VMP1: variants seen among roughly 807,000 people sequenced by gnomAD.
VMP1 encodes vacuole membrane protein 1.
A neutral mutation model predicts 56.0 loss-of-function variants in VMP1; 11 were observed. The observed-to-expected ratio is 0.20, with a 90% CI of 0.12 to 0.32. The LOEUF is 0.32. VMP1 is among the 10% of genes least tolerant of loss of function. The pLI is 1.00. For missense variants in VMP1, 296 were observed against 490.3 expected (o/e 0.60, Z 3.74); for synonymous variants, 149 against 165.0 (o/e 0.90, Z 0.74).
chr17:59,711,597 G>A (rs897714632), intron 1 of VMP1, among the ~76,000 whole-genome samples: 3 of 152,168 alleles, frequency 2.0e-5, no homozygotes, highest in African/African-American at 7.2e-5. Context: ...AGCTTTGGAT[G>A]GAGTTTGCTG....
At chr17:59,717,753 C>T (rs2034222684) in intron 1 of VMP1, among the ~76,000 whole-genome samples, 1 of 152,106 alleles carries the variant, frequency 6.6e-6, no homozygotes, top group Non-Finnish European at 1.5e-5. Flanking sequence ...AACCTTGTCT[C>T]CACTAAAAAC....
At position 59,817,438 on chromosome 17, in the gene VMP1, G is replaced by A. The variant is rs373503703; in HGVS notation, c.913-274G>A. Among the ~76,000 whole-genome samples, 7 of 150,982 alleles carry A rather than the reference G, an allele frequency of 4.6e-5. No homozygotes were observed. In the South Asian group the frequency reaches 1.1e-3, roughly 23 times the overall value. On this transcript the variant is annotated intron_variant, in intron 9 of 11. Coordinates refer to ENST00000262291, the MANE Select transcript of VMP1 (RefSeq NM_030938.5). ...GCAATCTTGGCTCACTGCCACCTCC[G>A]CCTCCTGGGTTCAAGCAATTCTCCT...
intron 5 of VMP1, among the ~76,000 whole-genome samples, chr17:59,748,073 G>A (rs888938519): frequency 2.6e-5 from 4 of 151,772 alleles, no homozygotes; most frequent in African/African-American, 9.7e-5. Context: ...GCGGGCGCCT[G>A]TAGTCCCAGC....
rs556861402 is a variant in VMP1 at position 59,724,817 on chromosome 17, T to G, written c.-26-6604T>G. 2.6e-5 allele frequency among the ~76,000 whole-genome samples: 4 copies of G among 151,766 alleles called. No homozygotes were observed. The East Asian group carries it at 7.7e-4, about 29-fold the overall frequency. On this transcript the variant is annotated intron_variant, in intron 1 of 11. Transcript: ENST00000262291. Reference sequence around the variant, plus strand: ...CGTCTCTACTAAAAATACAAAAAAATTAGCCGGGCCTGGTGGCGGGCGCCT... The same window carrying G: ...CGTCTCTACTAAAAATACAAAAAAAGTAGCCGGGCCTGGTGGCGGGCGCCT...
chr17:59,737,490 C>A lies in VMP1; in HGVS notation c.250C>A (p.Leu84Met). The change falls in exon 4 of 12, where the codon CTG (leucine) becomes ATG (methionine). Residue 84 changes from leucine (L) to methionine (M), a missense_variant. By Grantham distance (15) the Leu-to-Met change is conservative. Coordinates refer to ENST00000262291, the MANE Select transcript of VMP1 (RefSeq NM_030938.5). ...HRQSIVVSFLLLLAVLIATYY... is the reference protein window; with the variant it reads ...HRQSIVVSFLMLLAVLIATYY... ...TCAAAGCATTGTGGTGTCTTTTTTA[C>A]TGCTGCTTGCTGTGCTTATAGCTAC... 2 of 1,611,730 alleles carry A rather than the reference C, an allele frequency of 1.2e-6. No individual in the cohort carries two copies. Among genetic ancestry groups the A allele is most frequent in the Non-Finnish European group, 1.7e-6 (2 of 1,179,046 alleles).
At chr17:59,718,605 G>A (rs1161386100) in intron 1 of VMP1, among the ~76,000 whole-genome samples, 1 of 152,022 alleles carries the variant, frequency 6.6e-6, no homozygotes, top group Non-Finnish European at 1.5e-5. Context: ...CTGGACTCAG[G>A]CAGTCCTCTG....
chr17:59,755,907 A>AT (rs1380172266), intron 5 of VMP1, among the ~76,000 whole-genome samples: 1 of 150,822 alleles, frequency 6.6e-6, no homozygotes, highest in African/African-American at 2.4e-5. Context: ...CTGGGCTAAT[A>AT]TTTTTTCTTA....
At chr17:59,839,353 C>T in intron 11 of VMP1, 1 of 161,766 alleles carries the variant, frequency 6.2e-6, no homozygotes, top group Non-Finnish European at 1.3e-5. Flanking sequence ...CCTCAGTTGA[C>T]CAAACATGAC....
chr17:59,718,500 C>T (rs2034264117), intron 1 of VMP1, among the ~76,000 whole-genome samples: 1 of 150,932 alleles, frequency 6.6e-6, no homozygotes, highest in Non-Finnish European at 1.5e-5. Flanking sequence ...CCGGCCCCTC[C>T]TTTCTTTTCT....
intron 5 of VMP1, among the ~76,000 whole-genome samples, chr17:59,748,756 T>C (rs2035526753): frequency 6.6e-6 from 1 of 152,180 alleles, no homozygotes; most frequent in Non-Finnish European, 1.5e-5. Flanking sequence ...TTTCCCACAA[T>C]TGATTTCAGT....
intron 5 of VMP1, among the ~76,000 whole-genome samples, chr17:59,750,272 A>G (rs574376225): frequency 1.8e-4 from 27 of 151,986 alleles, no homozygotes; most frequent in Admixed American, 5.9e-4. Context: ...AATTTACTTA[A>G]ATTTAGACAA....
chr17:59,805,915 A>G (rs1401255447), intron 7 of VMP1, among the ~76,000 whole-genome samples: 1 of 152,124 alleles, frequency 6.6e-6, no homozygotes, highest in Non-Finnish European at 1.5e-5. Flanking sequence ...TTTTCTTGGC[A>G]ATTGAATACA....
rs183305492 is a variant in VMP1 at position 59,722,582 on chromosome 17, C to A, written c.-26-8839C>A. 2.2e-4 allele frequency among the ~76,000 whole-genome samples: 34 copies of A among 152,262 alleles called. No homozygotes were observed. In the East Asian group the frequency reaches 6.0e-3, roughly 27 times the overall value. On this transcript the variant is annotated intron_variant, in intron 1 of 11. Coordinates refer to ENST00000262291, the MANE Select transcript of VMP1 (RefSeq NM_030938.5). ...TAGGCTGGGCACAGTGGCTTATGCC[C>A]ATAACCCCAACACTTTGGAAGGCCA... is the stretch of plus-strand genomic sequence containing the variant.
rs141468570 is a variant in VMP1 at position 59,753,827 on chromosome 17, A to G, written c.415-11144A>G. Among the ~76,000 whole-genome samples the G allele has an allele frequency of 2.2e-4, 33 of 152,254 alleles. No individual in the cohort carries two copies. The East Asian group carries it at 4.6e-3, about 21-fold the overall frequency. On this transcript the variant is annotated intron_variant, in intron 5 of 11. Coordinates refer to ENST00000262291, the MANE Select transcript of VMP1 (RefSeq NM_030938.5). ...ATTTTTCTGTTTGCCATATATTTTA[A>G]CCATTGGATTTTCTCATGTTTAAAG...
intron 1 of VMP1, among the ~76,000 whole-genome samples, chr17:59,721,944 A>G (rs2034415516): frequency 6.6e-6 from 1 of 151,790 alleles, no homozygotes; most frequent in African/African-American, 2.4e-5. Context: ...TCTGGTGAGG[A>G]CTCTCTTCCT....
intron 10 of VMP1, among the ~76,000 whole-genome samples, chr17:59,833,453 A>C (rs1290190420): frequency 2.0e-5 from 3 of 152,156 alleles, no homozygotes; most frequent in Admixed American, 2.0e-4. Flanking sequence ...CAGGAATTTG[A>C]GACCCACCTG....
chr17:59,720,922 G>A (rs927511803), intron 1 of VMP1, among the ~76,000 whole-genome samples: 5 of 151,682 alleles, frequency 3.3e-5, no homozygotes, highest in East Asian at 3.9e-4. Flanking sequence ...GCGGTGAGCC[G>A]AGATTGTGCC....
At position 59,831,783 on chromosome 17, in the gene VMP1, T is replaced by A. The variant is rs1292062; in HGVS notation, c.975-6512T>A. ...TTTTTTCTTTAAATAAAAAAAAAAATTTTATTTGCATTCCTGAGTTTTTTT... is the reference window on the plus strand; with the variant it reads ...TTTTTTCTTTAAATAAAAAAAAAAAATTTATTTGCATTCCTGAGTTTTTTT... On this transcript the variant is annotated intron_variant, in intron 10 of 11. Transcript: ENST00000262291. Among the ~76,000 whole-genome samples, 298 of 102,264 alleles carry A rather than the reference T, an allele frequency of 2.9e-3. 1 individual carries two copies. The highest frequency in any genetic ancestry group is 6.4e-3 in the East Asian group (23 of 3,576). The allele number at this position is 102,264 out of a possible 152,430, so 67.1% of individuals were successfully genotyped here. A position where few individuals can be genotyped will look rare whatever the true frequency, so the allele number is the denominator to read the frequency against.
intron 6 of VMP1, among the ~76,000 whole-genome samples, chr17:59,765,974 G>A (rs976499407): frequency 2.0e-5 from 3 of 151,348 alleles, no homozygotes; most frequent in Non-Finnish European, 2.9e-5. Context: ...ATATTAGATT[G>A]GTAAATGTCA....
Sources: allele counts gnomAD v4.1 joint callset (sites outside exome capture counted in the v4.1 genomes callset), GRCh38; gene constraint gnomAD v4.1.1; transcripts MANE v1.5; gene names NCBI Gene and HGNC (gene_info 2026-07-23, HGNC 2026-07-21).